RTN4IP1: variants seen among roughly 807,000 people sequenced by gnomAD.
The protein encoded by RTN4IP1 is reticulon 4 interacting protein 1, also known as NAD(P)H oxidoreductase RTN4IP1, mitochondrial.
RTN4IP1 carries 32 observed loss-of-function variants against 46.6 expected under a neutral mutation model. That is an observed-to-expected ratio of 0.69 (90% CI 0.52 to 0.92). The LOEUF is 0.92. Among genes scored for constraint, RTN4IP1 ranks in the 40% least tolerant of loss-of-function variants. The pLI, the probability that RTN4IP1 is intolerant of heterozygous loss-of-function variation, is 0.00. For missense variants in RTN4IP1, 424 were observed against 485.8 expected, an observed-to-expected ratio of 0.87 and a Z score of 1.20; for synonymous variants, 167 against 161.8, an observed-to-expected ratio of 1.03 and a Z score of -0.24.
At position 106,619,060 on chromosome 6, in the gene RTN4IP1, C is replaced by T. The variant is rs895557955; in HGVS notation, c.620+142G>A. 5 of 932,324 alleles carry T rather than the reference C, an allele frequency of 5.4e-6. No homozygotes were observed. In the African/African-American group the frequency reaches 8.3e-5, roughly 15 times the overall value. The allele number at this position is 932,324 out of a possible 1,614,324, so 57.8% of individuals were successfully genotyped here. A position where few individuals can be genotyped will look rare whatever the true frequency, so the allele number is the denominator to read the frequency against. On this transcript the variant is annotated intron_variant, in intron 4 of 8. Transcript: ENST00000369063. Reference sequence around the variant, plus strand: ...AGTGCAAACTGACACAAATAGAATGCTTTGGAAATTGTTTTCAAATGTTAG... The same window carrying T: ...AGTGCAAACTGACACAAATAGAATGTTTTGGAAATTGTTTTCAAATGTTAG...
At chr6:106,628,363 A>G (rs557076749) in intron 1 of RTN4IP1, among the ~76,000 whole-genome samples, 1 of 151,992 alleles carries the variant, frequency 6.6e-6, no homozygotes, top group South Asian at 2.1e-4. Context: ...GCTACTCGGG[A>G]GGCTGAGGCA....
intron 5 of RTN4IP1, among the ~76,000 whole-genome samples, chr6:106,593,686 T>G (rs2114643728): frequency 6.6e-6 from 1 of 152,330 alleles, no homozygotes; most frequent in South Asian, 2.1e-4. Flanking sequence ...GGTTTTTAAC[T>G]TATTCATAAT....
intron 7 of RTN4IP1, among the ~76,000 whole-genome samples, chr6:106,585,779 A>C (rs552226033): frequency 1.3e-5 from 2 of 152,246 alleles, no homozygotes; most frequent in Non-Finnish European, 2.9e-5. Flanking sequence ...TCATCTTTCA[A>C]GTAGGAGGAA....
chr6:106,595,700 G>T (rs1775774230), intron 5 of RTN4IP1, among the ~76,000 whole-genome samples: 1 of 152,094 alleles, frequency 6.6e-6, no homozygotes, highest in South Asian at 2.1e-4. Flanking sequence ...GTTTCGCCAT[G>T]TTGGCCAGGC....
intron 1 of RTN4IP1, among the ~76,000 whole-genome samples, chr6:106,624,895 C>T (rs1776595295): frequency 1.4e-5 from 2 of 141,552 alleles, no homozygotes; most frequent in South Asian, 4.4e-4. Context: ...ATGATCACAC[C>T]ACTGCACTCC....
chr6:106,579,781 C>CT (rs879519568), intron 8 of RTN4IP1, among the ~76,000 whole-genome samples: 224 of 145,452 alleles, frequency 1.5e-3, no homozygotes, highest in Non-Finnish European at 2.3e-3. Context: ...AATCCAGATT[C>CT]TTTTTTTTTT....
intron 1 of RTN4IP1, among the ~76,000 whole-genome samples, chr6:106,627,308 C>T (rs1776673128): frequency 6.6e-6 from 1 of 152,146 alleles, no homozygotes; most frequent in South Asian, 2.1e-4. Flanking sequence ...TGAAAATGTA[C>T]ACGGCATGAA....
chr6:106,574,516 G>A (rs1189155990), intron 8 of RTN4IP1, among the ~76,000 whole-genome samples: 9 of 151,970 alleles, frequency 5.9e-5, no homozygotes, highest in Admixed American at 5.9e-4. Context: ...CAAAGCCCCT[G>A]GGATGCTGTT....
chr6:106,630,079 C>T (rs997417158), upstream of RTN4IP1, among the ~76,000 whole-genome samples: 3 of 152,248 alleles, frequency 2.0e-5, no homozygotes, highest in Middle Eastern at 3.4e-3. Flanking sequence ...CTAAGAAGCC[C>T]GGCGAAACTG....
intron 4 of RTN4IP1, among the ~76,000 whole-genome samples, chr6:106,605,023 T>C (rs781075802): frequency 6.6e-6 from 1 of 152,134 alleles, no homozygotes; most frequent in Non-Finnish European, 1.5e-5. Context: ...ATGACCACAG[T>C]GCTGAGGACT....
At chr6:106,591,489 T>C (rs1238313492) in intron 6 of RTN4IP1, among the ~76,000 whole-genome samples, 2 of 152,220 alleles carry the variant, frequency 1.3e-5, no homozygotes, top group Non-Finnish European at 2.9e-5. Flanking sequence ...AGTTGACTTC[T>C]GAAAACTAAT....
chr6:106,581,550 T>G (rs1775371389), intron 8 of RTN4IP1, among the ~76,000 whole-genome samples: 1 of 152,142 alleles, frequency 6.6e-6, no homozygotes. Flanking sequence ...AACTTCACAG[T>G]CCCAGAACCC....
At chr6:106,585,228 C>T (rs369990706) in intron 7 of RTN4IP1, among the ~76,000 whole-genome samples, 5 of 152,228 alleles carry the variant, frequency 3.3e-5, no homozygotes, top group African/African-American at 1.2e-4. Context: ...AATCCCAACA[C>T]TTTGGGAGAC....
intron 8 of RTN4IP1, among the ~76,000 whole-genome samples, chr6:106,581,283 G>A (rs72943087): frequency 0.04 from 6,028 of 152,146 alleles, 171 homozygotes; most frequent in Non-Finnish European, 0.06. Flanking sequence ...AGCTTTTCAC[G>A]ATCAAAAAAC....
At chr6:106,579,018 C>T (rs980894062) in intron 8 of RTN4IP1, among the ~76,000 whole-genome samples, 9 of 151,520 alleles carry the variant, frequency 5.9e-5, no homozygotes, top group South Asian at 2.1e-4. Context: ...GGGTGGATCA[C>T]GAGGTCAAGA....
chr6:106,604,046 G>A (rs1776004036), intron 4 of RTN4IP1, among the ~76,000 whole-genome samples: 2 of 152,194 alleles, frequency 1.3e-5, no homozygotes, highest in Non-Finnish European at 2.9e-5. Context: ...CGTAAATTGA[G>A]TAACTGCTAG....
intron 5 of RTN4IP1, among the ~76,000 whole-genome samples, chr6:106,601,232 C>G (rs1029343535): frequency 6.6e-6 from 1 of 152,212 alleles, no homozygotes; most frequent in East Asian, 1.9e-4. Flanking sequence ...GGAGAAATGT[C>G]AATTCAAGTT....
intron 8 of RTN4IP1, among the ~76,000 whole-genome samples, chr6:106,573,713 T>A (rs1316434636): frequency 1.3e-5 from 2 of 152,234 alleles, no homozygotes; most frequent in Non-Finnish European, 2.9e-5. Context: ...CAGGATTCAA[T>A]CTGATGCCAT....
At chr6:106,626,417 C>G (rs1024442597) in intron 1 of RTN4IP1, among the ~76,000 whole-genome samples, 7 of 152,262 alleles carry the variant, frequency 4.6e-5, no homozygotes, top group Middle Eastern at 3.4e-3. Flanking sequence ...GCCTTACATT[C>G]CTTTTCCACT....
Sources: gnomAD v4.1 joint callset for allele counts (sites outside exome capture counted in the v4.1 genomes callset) on GRCh38, gnomAD v4.1.1 for gene constraint, MANE v1.5 for transcripts, NCBI Gene and HGNC (gene_info 2026-07-23, HGNC 2026-07-21) for gene names.